The following CACNA1C variants were observed in gnomAD, a reference collection of about 807,000 sequenced individuals.
CACNA1C encodes voltage-dependent L-type calcium channel subunit alpha-1C.
A neutral mutation model predicts 229.0 loss-of-function variants in CACNA1C; 30 were observed. That is an observed-to-expected ratio of 0.13 (90% CI 0.10 to 0.18). CACNA1C has a LOEUF of 0.18. CACNA1C is among the 10% of genes least tolerant of loss of function. The pLI, the probability that CACNA1C is intolerant of heterozygous loss-of-function variation, is 1.00. For missense variants in CACNA1C, 1,658 were observed against 2,845.0 expected (o/e 0.58, Z 9.49); for synonymous variants, 1,114 against 1,132.5 (o/e 0.98, Z 0.33).
At chr12:2,017,514 C>T (rs1413110613) in intron 1 of CACNA1C, among the ~76,000 whole-genome samples, 1 of 151,852 alleles carries the variant, frequency 6.6e-6, no homozygotes, top group African/African-American at 2.4e-5. Flanking sequence ...TAATGTAGAT[C>T]ATTAAGCTTC....
rs961065167 is a variant in CACNA1C at position 2,693,258 on chromosome 12, G to A, written c.*2059G>A. 1 of 152,204 alleles carries A rather than the reference G, an allele frequency of 6.6e-6. No homozygotes were observed. Among genetic ancestry groups the A allele is most frequent in the Non-Finnish European group, 1.5e-5 (1 of 68,044 alleles). 9.4% of individuals were successfully genotyped at this position (152,204 alleles called of 1,614,324 possible). A position where few individuals can be genotyped will look rare whatever the true frequency, so the allele number is the denominator to read the frequency against. ...CAAGAACAGCCCTTCACTGTGAGGT[G>A]CAGGGAGGCGTTCTGATGAGCCCTC... On this transcript the variant is annotated 3_prime_UTR_variant, in exon 47 of 47. Coordinates refer to ENST00000399655, the MANE Select transcript of CACNA1C (RefSeq NM_000719.7).
chr12:2,126,605 G>C (rs80205711), intron 3 of CACNA1C, among the ~76,000 whole-genome samples: 5,137 of 152,270 alleles, frequency 0.034, 270 homozygotes, highest in African/African-American at 0.12. Context: ...GAGAGAAGAC[G>C]GGATGAGGCC....
At chr12:2,494,666 G>A (rs542495215) in intron 7 of CACNA1C, among the ~76,000 whole-genome samples, 1 of 152,220 alleles carries the variant, frequency 6.6e-6, no homozygotes, top group Non-Finnish European at 1.5e-5. Context: ...ACTTCTTCCT[G>A]AATCGGAAGG....
intron 3 of CACNA1C, among the ~76,000 whole-genome samples, chr12:2,349,991 G>A (rs982237675): frequency 2.0e-5 from 3 of 152,006 alleles, no homozygotes; most frequent in African/African-American, 7.2e-5. Flanking sequence ...CCAGGACAAA[G>A]GGGTGGCCCC....
At position 2,415,429 on chromosome 12, in the gene CACNA1C, G is replaced by T. The variant is rs372907943; in HGVS notation, c.478-33547G>T. On this transcript the variant is annotated intron_variant, in intron 3 of 46. Transcript: ENST00000399655. Reference sequence around the variant, plus strand: ...TGTAGTGCCCCATGGCAGCAAGCTGGTGACCTGAGCTGTGATCATGAAAAG... The same window carrying T: ...TGTAGTGCCCCATGGCAGCAAGCTGTTGACCTGAGCTGTGATCATGAAAAG... Among the ~76,000 whole-genome samples the T allele has an allele frequency of 2.1e-3, 321 of 152,304 alleles. 2 individuals carry two copies. The highest frequency in any genetic ancestry group is 7.4e-3 in the African/African-American group (307 of 41,566).
intron 3 of CACNA1C, among the ~76,000 whole-genome samples, chr12:2,146,510 T>G (rs2094721816): frequency 6.6e-6 from 1 of 151,030 alleles, no homozygotes; most frequent in Non-Finnish European, 1.5e-5. Context: ...TGGTACAAAA[T>G]TCCCTCCACT....
chr12:2,457,547 C>A lies in CACNA1C; in HGVS notation c.618-20C>A. Reference sequence around the variant, plus strand: ...AGAAAACCCAGTCCTGACAGTCCTTCTCTCTTTCCTCTCTTCTAGGCTTTT... The same window carrying A: ...AGAAAACCCAGTCCTGACAGTCCTTATCTCTTTCCTCTCTTCTAGGCTTTT... On this transcript the variant is annotated intron_variant, in intron 4 of 46. Transcript: ENST00000399655. 6.2e-7 allele frequency: 1 copy of A among 1,604,292 alleles called. No individual in the cohort carries two copies. The highest frequency in any genetic ancestry group is 8.5e-7 in the Non-Finnish European group (1 of 1,175,116).
At chr12:2,638,202 A>G (rs2093121482) in intron 30 of CACNA1C, among the ~76,000 whole-genome samples, 1 of 152,116 alleles carries the variant, frequency 6.6e-6, no homozygotes, top group Admixed American at 6.5e-5. Flanking sequence ...ACGTTTTAGG[A>G]AAAAAAGTAG....
At chr12:2,611,824 G>A (rs1255961870) in intron 28 of CACNA1C, 79 bp from the exon 29 acceptor site, 26 of 895,118 alleles carry the variant, frequency 2.9e-5, no homozygotes, top group Non-Finnish European at 4.3e-5. Context: ...GAGGGCCTTC[G>A]AGAAGGCTGG....
upstream of CACNA1C, among the ~76,000 whole-genome samples, chr12:2,052,602 T>C (rs969757228): frequency 1.5e-3 from 200 of 137,038 alleles, no homozygotes; most frequent in Admixed American, 2.3e-3. Flanking sequence ...CGCGAGGGGG[T>C]GTGTCCGCGC....
At chr12:2,620,592 CT>C (rs1290770676) in intron 29 of CACNA1C, among the ~76,000 whole-genome samples, 2 of 152,244 alleles carry the variant, frequency 1.3e-5, no homozygotes, top group Non-Finnish European at 2.9e-5. Flanking sequence ...TCTGTGGCCC[CT>C]GCATTCCCTA....
chr12:2,240,294 G>A (rs1474705312), intron 3 of CACNA1C, among the ~76,000 whole-genome samples: 1 of 152,202 alleles, frequency 6.6e-6, no homozygotes, highest in Non-Finnish European at 1.5e-5. Flanking sequence ...GATGCTGGTT[G>A]CAGACATTTC....
At chr12:2,107,583 G>T (rs1166778841) in intron 1 of CACNA1C, among the ~76,000 whole-genome samples, 3 of 152,286 alleles carry the variant, frequency 2.0e-5, no homozygotes, top group Non-Finnish European at 4.4e-5. Flanking sequence ...GGCTGGAGGG[G>T]AATGCCAGCT....
rs1222576287 is a variant in CACNA1C, at chr12:2,678,052, A to G, written c.5091+185A>G. Among the ~76,000 whole-genome samples, 1 of 152,168 alleles carries G rather than the reference A, an allele frequency of 6.6e-6. No homozygotes were observed. Among genetic ancestry groups the G allele is most frequent in the Non-Finnish European group, 1.5e-5 (1 of 68,012 alleles). ...CTTTTCCAAGCCTGACTCCATCCCA[A>G]GGCAGGGCTCCCTGGAAACAGCAGC... is the stretch of plus-strand genomic sequence containing the variant. On this transcript the variant is annotated intron_variant, in intron 41 of 46. Coordinates refer to ENST00000399655, the MANE Select transcript of CACNA1C (RefSeq NM_000719.7). This position sits in a 1 kb window ranked among gnomAD's most constrained non-coding sequence, Gnocchi z 4.1.
intron 34 of CACNA1C, among the ~76,000 whole-genome samples, chr12:2,656,060 C>T (rs535424106): frequency 6.6e-6 from 1 of 152,294 alleles, no homozygotes; most frequent in Admixed American, 6.5e-5. Context: ...ACTCTCACCA[C>T]TTCTATTCAA....
Position 2,608,522 on chromosome 12 carries a change from G to T in CACNA1C, c.3368G>T (p.Arg1123Leu). 6.2e-7 allele frequency: 1 copy of T among 1,609,862 alleles called. No individual in the cohort carries two copies. Among genetic ancestry groups the T allele is most frequent in the Non-Finnish European group, 8.5e-7 (1 of 1,177,858 alleles). ...GTCTCCTCCTGCAGGCTGCTGTACC[G>T]CTCCATCGACTCCCACACGGAAGAC... The part of the protein sequence containing the change: ...TFEGWPELLY[R>L]SIDSHTEDKG... The change falls in exon 27 of 47, where the codon CGC becomes CTC. Residue 1123 changes from arginine to leucine, a missense_variant. Physicochemically the swap from Arg to Leu is moderately radical, Grantham distance 102. This residue lies in a region of CACNA1C where 77 missense variants were observed against 130.9 expected (regional missense o/e 0.59). Coordinates refer to ENST00000399655, the MANE Select transcript of CACNA1C (RefSeq NM_000719.7). This position sits in a 1 kb window ranked among gnomAD's most constrained non-coding sequence, Gnocchi z 4.2.
At chr12:2,685,636 A>G in intron 43 of CACNA1C, 100 bp from the exon 44 acceptor site, 1 of 842,422 alleles carries the variant, frequency 1.2e-6, no homozygotes. Flanking sequence ...GCGTCCCTTC[A>G]CTAAGGATCA....
rs2080177286 is a variant in CACNA1C at position 2,108,531 on chromosome 12, T to C, written c.50-6693T>C. Among the ~76,000 whole-genome samples, 1 of 152,206 alleles carries C rather than the reference T, an allele frequency of 6.6e-6. No individual in the cohort carries two copies. Among genetic ancestry groups the C allele is most frequent in the Non-Finnish European group, 1.5e-5 (1 of 68,024 alleles). ...TGATTGGCAAAAGTTGTGTCAGGAA[T>C]TCTCGCTCCAAGGGAGGTTGGGAGC... On this transcript the variant is annotated intron_variant, in intron 1 of 46. Transcript: ENST00000399655. The surrounding 1 kb of genome is among the most constrained non-coding windows in gnomAD (Gnocchi z 5.3).
In CACNA1C at chr12:2,608,710, C is replaced by G. The variant is rs890686445; in HGVS notation, c.3556C>G (p.Gln1186Glu). Reference protein sequence around the residue: ...EYKNCELDKNQRQCVEYALKA... With the variant: ...EYKNCELDKNERQCVEYALKA... ...CAAGAACTGTGAGCTGGACAAGAAC[C>G]AGGTAGCTTCCTAGGAAGGAGCGGA... The change falls in exon 27 of 47, where the codon CAG becomes GAG. Residue 1186 changes from glutamine (Q) to glutamate (E), a missense_variant and splice_region_variant. Coordinates refer to ENST00000399655, the MANE Select transcript of CACNA1C (RefSeq NM_000719.7). The surrounding 1 kb of genome is among the most constrained non-coding windows in gnomAD (Gnocchi z 4.2). 2.5e-6 allele frequency: 4 copies of G among 1,613,760 alleles called. No individual in the cohort carries two copies. Among genetic ancestry groups the G allele is most frequent in the Non-Finnish European group, 1.7e-6 (2 of 1,179,884 alleles).
Sources: gnomAD v4.1 joint callset for allele counts (sites outside exome capture counted in the v4.1 genomes callset) on GRCh38, gnomAD v4.1.1 for gene constraint, gnomAD v4.1.1 regional missense constraint, Gnocchi (gnomAD v3.1) non-coding constraint, MANE v1.5 for transcripts, NCBI Gene and HGNC (gene_info 2026-07-23, HGNC 2026-07-21) for gene names.